Variants in NDST4 observed in about 807,000 individuals in gnomAD.
The protein encoded by NDST4 is N-deacetylase and N-sulfotransferase 4.
Under a neutral mutation model 100.8 loss-of-function variants are expected in NDST4, and 63 were observed. The ratio of observed to expected loss-of-function variants is 0.62; its 90% confidence interval spans 0.51 to 0.77. The LOEUF (loss-of-function observed/expected upper bound fraction) is 0.77. Among genes scored for constraint, NDST4 ranks in the 30% least tolerant of loss-of-function variants. The pLI is 0.00. For synonymous variants in NDST4, 377 were observed against 361.8 expected, an observed-to-expected ratio of 1.04 and a Z score of -0.48; for missense variants, 943 against 1,018.4, an observed-to-expected ratio of 0.93 and a Z score of 1.01.
chr4:114,841,545 T>C (rs886905297), intron 10 of NDST4, among the ~76,000 whole-genome samples: 1 of 152,216 alleles, frequency 6.6e-6, no homozygotes, highest in Non-Finnish European at 1.5e-5. Flanking sequence ...TCATAAAGAT[T>C]CTCTTTTATT....
chr4:114,980,460 G>A (rs1292903456), intron 2 of NDST4, among the ~76,000 whole-genome samples: 2 of 152,072 alleles, frequency 1.3e-5, no homozygotes, highest in African/African-American at 4.8e-5. Context: ...TGGCCCACAT[G>A]GTGAAACCCC....
In NDST4 at chr4:115,033,157, A is replaced by ATTTT. The variant is rs1192796806; in HGVS notation, c.978+42898_978+42901dup. Among the ~76,000 whole-genome samples the ATTTT allele has an allele frequency of 6.3e-3, 377 of 59,924 alleles. 2 individuals carry two copies. Among genetic ancestry groups the ATTTT allele is most frequent in the African/African-American group, 0.014 (237 of 17,384 alleles). The allele number at this position is 59,924 out of a possible 152,430, so 39.3% of individuals were successfully genotyped here. On this transcript the variant is annotated intron_variant, in intron 2 of 13. Coordinates refer to ENST00000264363, the MANE Select transcript of NDST4 (RefSeq NM_022569.3). ...TATATATATATATATATATATATAT[A>ATTTT]TTTTTTTTTTTTTTGAAACAGGGTC...
intron 2 of NDST4, among the ~76,000 whole-genome samples, chr4:115,031,824 C>T (rs1322151720): frequency 1.3e-5 from 2 of 151,976 alleles, no homozygotes; most frequent in African/African-American, 4.8e-5. Context: ...CATCCAACAC[C>T]TACTCTTTTT....
chr4:115,034,293 C>A (rs1231692063), intron 2 of NDST4, among the ~76,000 whole-genome samples: 1 of 152,160 alleles, frequency 6.6e-6, no homozygotes, highest in African/African-American at 2.4e-5. Context: ...CCCCCATCTG[C>A]CCTGCTAGCC....
At chr4:115,041,553 C>T (rs1728352272) in intron 2 of NDST4, among the ~76,000 whole-genome samples, 1 of 151,954 alleles carries the variant, frequency 6.6e-6, no homozygotes, top group Admixed American at 6.6e-5. Flanking sequence ...TAATGATATT[C>T]TCTGAGAAGG....
chr4:115,053,202 A>G (rs1728622017), intron 2 of NDST4, among the ~76,000 whole-genome samples: 1 of 152,166 alleles, frequency 6.6e-6, no homozygotes, highest in Admixed American at 6.6e-5. Flanking sequence ...GAAACAGGCA[A>G]TTTAAATAAA....
At chr4:114,864,815 C>T (rs1001003780) in intron 7 of NDST4, among the ~76,000 whole-genome samples, 2 of 152,128 alleles carry the variant, frequency 1.3e-5, no homozygotes, top group African/African-American at 4.8e-5. Flanking sequence ...TTTATAATGC[C>T]AACCTCTGGG....
intron 11 of NDST4, among the ~76,000 whole-genome samples, chr4:114,835,078 G>A (rs868333125): frequency 2.0e-5 from 3 of 151,924 alleles, no homozygotes; most frequent in Admixed American, 1.3e-4. Flanking sequence ...TTGGATTCAT[G>A]GATTTTTTGA....
chr4:114,839,666 G>T (rs1723385568), intron 10 of NDST4, 118 bp from the exon 11 acceptor site: 2 of 676,622 alleles, frequency 3.0e-6, no homozygotes, highest in South Asian at 3.0e-5. Flanking sequence ...AAATGTGTGT[G>T]TCCTTTATGT....
chr4:114,953,423 C>T (rs1185459134), intron 4 of NDST4, among the ~76,000 whole-genome samples: 1 of 152,048 alleles, frequency 6.6e-6, no homozygotes, highest in Non-Finnish European at 1.5e-5. Context: ...ATCTTACAAA[C>T]TTGGACCAGG....
chr4:114,889,691 A>G (rs1724552810), intron 6 of NDST4, among the ~76,000 whole-genome samples: 1 of 152,226 alleles, frequency 6.6e-6, no homozygotes, highest in African/African-American at 2.4e-5. Flanking sequence ...GCTGTCTTCA[A>G]ATAAAGCAGC....
chr4:114,863,049 C>T (rs879783634), intron 7 of NDST4, among the ~76,000 whole-genome samples: 1 of 152,086 alleles, frequency 6.6e-6, no homozygotes, highest in Non-Finnish European at 1.5e-5. Flanking sequence ...TTAATCAAAA[C>T]TTTATTAACG....
rs1292966450 is a variant in NDST4, at chr4:115,008,663, A to G, written c.979-31389T>C. On this transcript the variant is annotated intron_variant, in intron 2 of 13. Transcript: ENST00000264363. ...CTCTCTCACCACTCCTATTCAACAT[A>G]GTGTTGGAAGTTCTGGCCAGGACAA... Among the ~76,000 whole-genome samples the G allele has an allele frequency of 2.3e-5, 3 of 128,152 alleles. 1 individual carries two copies. Among genetic ancestry groups the G allele is most frequent in the African/African-American group, 8.9e-5 (3 of 33,732 alleles). The allele number at this position is 128,152 out of a possible 152,430, so 84.1% of individuals were successfully genotyped here.
At chr4:114,858,591 A>T (rs1723850632) in intron 7 of NDST4, among the ~76,000 whole-genome samples, 1 of 152,198 alleles carries the variant, frequency 6.6e-6, no homozygotes, top group Non-Finnish European at 1.5e-5. Flanking sequence ...GTTGGTGCAG[A>T]GTCCAACAAA....
chr4:114,854,658 C>T (rs187804825), intron 7 of NDST4, among the ~76,000 whole-genome samples: 88 of 152,126 alleles, frequency 5.8e-4, no homozygotes, highest in Non-Finnish European at 9.1e-4. Context: ...TTAGTAAAGA[C>T]GGGGTTTCAC....
chr4:115,022,149 G>T (rs1341073013), intron 2 of NDST4, among the ~76,000 whole-genome samples: 1 of 143,524 alleles, frequency 7.0e-6, no homozygotes, highest in African/African-American at 2.8e-5. Context: ...GTCTATGCAC[G>T]TTCCATATAT....
intron 6 of NDST4, among the ~76,000 whole-genome samples, chr4:114,877,007 G>A (rs1156637271): frequency 6.6e-6 from 1 of 152,088 alleles, no homozygotes; most frequent in Non-Finnish European, 1.5e-5. Flanking sequence ...TAGTCAACAA[G>A]CGGATTGCAC....
chr4:114,983,805 T>C (rs763830810), intron 2 of NDST4, among the ~76,000 whole-genome samples: 3 of 152,130 alleles, frequency 2.0e-5, no homozygotes, highest in Non-Finnish European at 2.9e-5. Flanking sequence ...TCATGTCAAA[T>C]TGTAATCCCC....
chr4:114,881,962 T>A (rs1454369865), intron 6 of NDST4, among the ~76,000 whole-genome samples: 3 of 150,628 alleles, frequency 2.0e-5, no homozygotes, highest in South Asian at 2.1e-4. Context: ...ATATTTTTTT[T>A]AAATACTACA....
Sources: gnomAD v4.1 joint callset for allele counts (sites outside exome capture counted in the v4.1 genomes callset) on GRCh38, gnomAD v4.1.1 for gene constraint, MANE v1.5 for transcripts, NCBI Gene and HGNC (gene_info 2026-07-23, HGNC 2026-07-21) for gene names.